The following LNPK variants were observed in gnomAD, a reference collection of about 807,000 sequenced individuals.
LNPK encodes the protein endoplasmic reticulum junction formation protein lunapark.
Under a neutral mutation model 55.2 loss-of-function variants are expected in LNPK, and 29 were observed. The observed-to-expected ratio is 0.53, with a 90% CI of 0.39 to 0.72. LNPK has a LOEUF of 0.72. Ranked by LOEUF, LNPK falls within the 30% of genes least tolerant of loss-of-function variation. LNPK has a pLI of 0.00. For synonymous variants in LNPK, 162 were observed against 168.2 expected (o/e 0.96, Z 0.29); for missense variants, 467 against 494.8 (o/e 0.94, Z 0.53).
intron 4 of LNPK, among the ~76,000 whole-genome samples, chr2:175,987,287 T>C (rs1687467644): frequency 6.6e-6 from 1 of 152,130 alleles, no homozygotes; most frequent in African/African-American, 2.4e-5. Flanking sequence ...TGTCCAACAA[T>C]GATAGACTGG....
intron 1 of LNPK, among the ~76,000 whole-genome samples, chr2:175,999,076 T>C (rs1405441852): frequency 1.3e-5 from 2 of 152,218 alleles, no homozygotes; most frequent in Non-Finnish European, 2.9e-5. Flanking sequence ...TTCAGGTTCA[T>C]AATCAAAGAA....
At chr2:175,985,592 T>C (rs1200335668) in intron 4 of LNPK, among the ~76,000 whole-genome samples, 2 of 152,184 alleles carry the variant, frequency 1.3e-5, no homozygotes, top group Non-Finnish European at 2.9e-5. Flanking sequence ...TTTACTACAG[T>C]AGTTCTCCCT....
At chr2:175,934,065 T>C (rs1684422173) in intron 12 of LNPK, among the ~76,000 whole-genome samples, 1 of 152,136 alleles carries the variant, frequency 6.6e-6, no homozygotes, top group African/African-American at 2.4e-5. Flanking sequence ...AAAACTAAAC[T>C]ATTAAGTGAA....
Position 175,937,469 on chromosome 2 carries a change from G to C in LNPK, c.929C>G (p.Thr310Ser). 6.2e-7 allele frequency: 1 copy of C among 1,613,442 alleles called. No individual in the cohort carries two copies. Among genetic ancestry groups the C allele is most frequent in the Non-Finnish European group, 8.5e-7 (1 of 1,179,610 alleles). ...YCFFLNPARK[T>S]RPQAPRLPEF... ...AGGAAGTCTTGGAGCCTGAGGTCTG[G>C]TTTTTCTTGCAGGGTTCAAGAAAAA... is the stretch of plus-strand genomic sequence containing the variant. Residue 310 changes from threonine (T) to serine (S), a missense_variant, in exon 12 of 13, where the codon ACC becomes AGC. Transcript: ENST00000272748.
At chr2:175,981,254 T>G (rs1687161743) in intron 4 of LNPK, among the ~76,000 whole-genome samples, 1 of 152,194 alleles carries the variant, frequency 6.6e-6, no homozygotes, top group South Asian at 2.1e-4. Flanking sequence ...TCACTTGTCT[T>G]TCTCTCTCCT....
intron 6 of LNPK, 50 bp downstream of exon 6, chr2:175,970,714 C>T: frequency 1.0e-6 from 1 of 985,714 alleles, no homozygotes; most frequent in Non-Finnish European, 1.4e-6. Flanking sequence ...ATTAATTATT[C>T]AGTTCTTATT....
At position 176,002,220 on chromosome 2, in the gene LNPK, G is replaced by A. The variant is rs114093789; in HGVS notation, c.-123C>T. 30,793 of 451,256 alleles carry A rather than the reference G, an allele frequency of 0.068. 1,271 individuals carry two copies. The highest frequency in any genetic ancestry group is 0.13 in the Admixed American group (5,597 of 42,352). 28.0% of individuals were successfully genotyped at this position (451,256 alleles called of 1,614,324 possible). A position where few individuals can be genotyped will look rare whatever the true frequency, so the allele number is the denominator to read the frequency against. ...ACCCCCGCCAGTCTCGGCCGCCACCGCCCAGCCTGCCTCCAGAGCAGGCAG... is the reference window on the plus strand; with the variant it reads ...ACCCCCGCCAGTCTCGGCCGCCACCACCCAGCCTGCCTCCAGAGCAGGCAG... On this transcript the variant is annotated 5_prime_UTR_variant, in exon 1 of 13. Transcript: ENST00000272748.
chr2:175,954,386 AAT>A (rs1229938986), intron 8 of LNPK, among the ~76,000 whole-genome samples: 1 of 152,186 alleles, frequency 6.6e-6, no homozygotes, highest in Non-Finnish European at 1.5e-5. Flanking sequence ...CCATTCTGTA[AAT>A]ATGTTACATG....
In LNPK at chr2:175,926,156, CCT is replaced by C. The variant is rs1432019442; in HGVS notation, c.*3809_*3810del. 1.3e-5 allele frequency: 2 copies of C among 152,068 alleles called. No individual in the cohort carries two copies. The highest frequency in any genetic ancestry group is 2.4e-5 in the African/African-American group (1 of 41,408). The allele number at this position is 152,068 out of a possible 1,614,324, so 9.4% of individuals were successfully genotyped here. A position where few individuals can be genotyped will look rare whatever the true frequency, so the allele number is the denominator to read the frequency against. On this transcript the variant is annotated 3_prime_UTR_variant, in exon 13 of 13. Transcript: ENST00000272748. ...GAAGTCATTTGCCTATATTCAAATC[CCT>C]CTTTTTCCACTTACCAGGTATACAA...
At chr2:175,933,739 T>TG (rs1166342580) in intron 12 of LNPK, among the ~76,000 whole-genome samples, 1 of 148,450 alleles carries the variant, frequency 6.7e-6, no homozygotes, top group South Asian at 2.2e-4. Flanking sequence ...GGGTTTTTTT[T>TG]TTTTTTTTTT....
chr2:175,943,983 A>G (rs776304218), intron 9 of LNPK, among the ~76,000 whole-genome samples: 100 of 152,272 alleles, frequency 6.6e-4, no homozygotes, highest in Non-Finnish European at 1.1e-3. Flanking sequence ...AGGGAGAAGT[A>G]GAATTTTCTT....
intron 5 of LNPK, 35 bp downstream of exon 5, chr2:175,979,775 A>T (rs549725851): frequency 1.5e-5 from 22 of 1,445,340 alleles, no homozygotes; most frequent in East Asian, 1.5e-4. Context: ...TAGGTATTTT[A>T]AAAAATATTT....
chr2:175,965,390 A>T (rs1362814025), intron 6 of LNPK, among the ~76,000 whole-genome samples: 1 of 152,230 alleles, frequency 6.6e-6, no homozygotes, highest in Non-Finnish European at 1.5e-5. Flanking sequence ...AACATCAGAA[A>T]AAGTTGAACT....
intron 12 of LNPK, among the ~76,000 whole-genome samples, chr2:175,934,360 T>C (rs1475109869): frequency 2.0e-5 from 3 of 152,176 alleles, no homozygotes; most frequent in Non-Finnish European, 4.4e-5. Context: ...ACTAAAATCA[T>C]ATTATCAAGT....
intron 2 of LNPK, among the ~76,000 whole-genome samples, chr2:175,993,809 TA>T (rs1687811288): frequency 6.6e-6 from 1 of 151,872 alleles, no homozygotes; most frequent in Non-Finnish European, 1.5e-5. Flanking sequence ...AAAATTAAAT[TA>T]AATTAAAAAA....
At chr2:175,944,928 TAC>T (rs1685045174) in intron 9 of LNPK, among the ~76,000 whole-genome samples, 1 of 151,768 alleles carries the variant, frequency 6.6e-6, no homozygotes, top group Non-Finnish European at 1.5e-5. Context: ...AGAAATCAAG[TAC>T]ACTTTGTTTT....
intron 9 of LNPK, among the ~76,000 whole-genome samples, chr2:175,941,267 A>ATATT (rs1684825510): frequency 6.9e-6 from 1 of 144,084 alleles, no homozygotes; most frequent in Admixed American, 7.0e-5. Flanking sequence ...AAGCAGCCTA[A>ATATT]TATATTTATA....
At chr2:175,953,709 T>C (rs1384892238) in intron 8 of LNPK, among the ~76,000 whole-genome samples, 1 of 151,442 alleles carries the variant, frequency 6.6e-6, no homozygotes, top group Non-Finnish European at 1.5e-5. Context: ...TTAGATGATA[T>C]TCCTAATTGT....
At chr2:175,978,616 G>A (rs186225585) in intron 5 of LNPK, among the ~76,000 whole-genome samples, 1 of 152,184 alleles carries the variant, frequency 6.6e-6, no homozygotes, top group East Asian at 1.9e-4. Context: ...TGAATTTACT[G>A]GGGAACTATA....
Sources: allele counts gnomAD v4.1 joint callset (sites outside exome capture counted in the v4.1 genomes callset), GRCh38; gene constraint gnomAD v4.1.1; transcripts MANE v1.5; gene names NCBI Gene and HGNC (gene_info 2026-07-23, HGNC 2026-07-21).